The following AFG2A variants were observed in gnomAD, a reference collection of about 807,000 sequenced individuals.
AFG2A encodes ATPase family gene 2 protein homolog A.
At chr4:123,130,352 G>A in the AFG2A span, among the ~76,000 whole-genome samples, 8 of 152,106 alleles carry the variant, frequency 5.3e-5, no homozygotes, top group Admixed American at 3.3e-4. Context: ...ATAGAATTGG[G>A]TAACCACCAA....
the AFG2A span, among the ~76,000 whole-genome samples, chr4:123,011,617 G>T: frequency 1.3e-5 from 2 of 152,172 alleles, no homozygotes; most frequent in Non-Finnish European, 2.9e-5. Context: ...AATCGAAAGT[G>T]CCATTTTCTG....
At chr4:123,067,606 G>A in the AFG2A span, among the ~76,000 whole-genome samples, 1 of 151,946 alleles carries the variant, frequency 6.6e-6, no homozygotes, top group East Asian at 1.9e-4. Flanking sequence ...TGTATACTAG[G>A]AAAAATATTT....
At chr4:123,193,649 TCA>T in the AFG2A span, among the ~76,000 whole-genome samples, 1 of 152,176 alleles carries the variant, frequency 6.6e-6, no homozygotes, top group Non-Finnish European at 1.5e-5. Context: ...GTTCACTAGG[TCA>T]GAGTAAAAGC....
At chr4:122,923,259 C>T in the AFG2A span, 5 of 1,614,068 alleles carry the variant, frequency 3.1e-6, no homozygotes, top group Admixed American at 3.3e-5. Context: ...GATCAGACTT[C>T]GCGGCAACCT....
the AFG2A span, chr4:123,090,476 A>G: frequency 7.7e-7 from 1 of 1,297,630 alleles, no homozygotes; most frequent in Non-Finnish European, 1.0e-6. Context: ...TTGAAAATAG[A>G]CATGATTTCT....
the AFG2A span, among the ~76,000 whole-genome samples, chr4:122,981,584 T>C: frequency 6.6e-6 from 1 of 151,968 alleles, no homozygotes; most frequent in Non-Finnish European, 1.5e-5. Context: ...TTGGTAGTGG[T>C]TACATTAAAT....
At chr4:123,313,451 G>T in the AFG2A span, among the ~76,000 whole-genome samples, 1 of 152,198 alleles carries the variant, frequency 6.6e-6, no homozygotes, top group Non-Finnish European at 1.5e-5. Flanking sequence ...GTGTGTTGAT[G>T]AGCAAGGCCT....
the AFG2A span, among the ~76,000 whole-genome samples, chr4:123,199,474 T>G: frequency 3.7e-5 from 5 of 136,556 alleles, no homozygotes; most frequent in South Asian, 2.6e-4. Context: ...TTTTTTTTTT[T>G]TTTTTTTTTT....
chr4:123,304,848 ACGTGAG>A, the AFG2A span, among the ~76,000 whole-genome samples: 1 of 152,130 alleles, frequency 6.6e-6, no homozygotes, highest in South Asian at 2.1e-4. Context: ...CAGAAAAAGG[ACGTGAG>A]GGGTGTCTCC....
the AFG2A span, among the ~76,000 whole-genome samples, chr4:123,054,373 CTACA>C: frequency 9.2e-5 from 14 of 151,362 alleles, no homozygotes; most frequent in Non-Finnish European, 1.0e-4. Context: ...ACTCTATGAA[CTACA>C]TACTTAAGAG....
chr4:122,932,626 C>G, the AFG2A span, among the ~76,000 whole-genome samples: 6 of 152,284 alleles, frequency 3.9e-5, no homozygotes, highest in Admixed American at 6.5e-5. Flanking sequence ...TGCTCATGTT[C>G]TGAGAACTCC....
chr4:123,116,742 G>A, the AFG2A span, among the ~76,000 whole-genome samples: 2 of 152,170 alleles, frequency 1.3e-5, no homozygotes, highest in Non-Finnish European at 2.9e-5. Flanking sequence ...ATTTATAGAT[G>A]CAATAAACAC....
chr4:123,275,766 T>G, the AFG2A span, among the ~76,000 whole-genome samples: 1 of 152,212 alleles, frequency 6.6e-6, no homozygotes, highest in Non-Finnish European at 1.5e-5. Flanking sequence ...TGCTGCTGCA[T>G]TAGTTTGCTT....
chr4:123,110,257 T>G, the AFG2A span, among the ~76,000 whole-genome samples: 1 of 152,168 alleles, frequency 6.6e-6, no homozygotes, highest in Non-Finnish European at 1.5e-5. Context: ...TATTCATGAC[T>G]GTGTTTTGGT....
At chr4:123,016,338 G>A in the AFG2A span, among the ~76,000 whole-genome samples, 4 of 150,680 alleles carry the variant, frequency 2.7e-5, no homozygotes, top group South Asian at 4.2e-4. Flanking sequence ...GGTGGCTGCC[G>A]GGTGGAGGGG....
chr4:123,185,059 T>A, the AFG2A span, among the ~76,000 whole-genome samples: 5 of 152,196 alleles, frequency 3.3e-5, no homozygotes, highest in Non-Finnish European at 7.3e-5. Context: ...ACTATCCCTT[T>A]ATTTTGTAGG....
chr4:123,174,154 A>G, the AFG2A span, among the ~76,000 whole-genome samples: 1 of 152,232 alleles, frequency 6.6e-6, no homozygotes, highest in African/African-American at 2.4e-5. Context: ...CAAGCAAGCT[A>G]TATACTTTGA....
chr4:123,295,160 T>C, the AFG2A span, among the ~76,000 whole-genome samples: 1 of 152,132 alleles, frequency 6.6e-6, no homozygotes, highest in Non-Finnish European at 1.5e-5. Context: ...TCAGCTCCAG[T>C]AGCCAAGCTT....
chr4:123,307,435 A>T, the AFG2A span, among the ~76,000 whole-genome samples: 1 of 152,172 alleles, frequency 6.6e-6, no homozygotes, highest in Admixed American at 6.5e-5. Context: ...TTTTCCTATA[A>T]ACTTTATAGC....
Sources: gnomAD v4.1 joint callset for allele counts (sites outside exome capture counted in the v4.1 genomes callset) on GRCh38, gnomAD v4.1.1 for gene constraint, MANE v1.5 for transcripts, NCBI Gene and HGNC (gene_info 2026-07-23, HGNC 2026-07-21) for gene names.